The following CNKSR2 variants were observed in gnomAD, a reference collection of about 807,000 sequenced individuals.
The protein encoded by CNKSR2 is connector enhancer of kinase suppressor of Ras 2.
A neutral mutation model predicts 84.4 loss-of-function variants in CNKSR2; 14 were observed. The ratio of observed to expected loss-of-function variants is 0.17; its 90% CI spans 0.11 to 0.26. The LOEUF (loss-of-function observed/expected upper bound fraction) is 0.26. Among genes scored for constraint, CNKSR2 ranks in the 10% least tolerant of loss-of-function variants. CNKSR2 has a pLI of 1.00. For synonymous variants in CNKSR2, 275 were observed against 277.9 expected (o/e 0.99, Z 0.10); for missense variants, 485 against 771.2 (o/e 0.63, Z 4.40).
chrX:21,450,631 A>C (rs771076612), intron 4 of CNKSR2, among the ~76,000 whole-genome samples: 7 of 111,883 alleles, frequency 6.3e-5, no homozygotes, highest in Middle Eastern at 4.6e-3. Context: ...TATTTATGAT[A>C]GTATTTGATT....
intron 5 of CNKSR2, among the ~76,000 whole-genome samples, chrX:21,483,992 A>G (rs1463620789): frequency 2.7e-5 from 3 of 112,314 alleles, no homozygotes; most frequent in Non-Finnish European, 5.6e-5. Context: ...AAATAAAACA[A>G]TAAAATAAAA....
At chrX:21,402,933 A>G (rs939551876) in intron 1 of CNKSR2, among the ~76,000 whole-genome samples, 2 of 111,634 alleles carry the variant, frequency 1.8e-5, no homozygotes, top group Non-Finnish European at 3.8e-5. Flanking sequence ...ATCCTGGCAC[A>G]TATAGAAATT....
At chrX:21,469,997 T>C (rs1227849369) in intron 4 of CNKSR2, among the ~76,000 whole-genome samples, 1 of 112,599 alleles carries the variant, frequency 8.9e-6, no homozygotes, top group Non-Finnish European at 1.9e-5. Context: ...TAATGACTTA[T>C]CTCATTTTGT....
Position 21,412,933 on chromosome X carries a change from A to G in CNKSR2, c.65-13564A>G, listed in dbSNP as rs748570241. On this transcript the variant is annotated intron_variant, in intron 1 of 21. Transcript: ENST00000379510. ...TATCATCAAACGTACTATCTTAACC[A>G]TCTTTAAGTGTACAGTTCACTGGCA... 5.4e-5 allele frequency among the ~76,000 whole-genome samples: 6 copies of G among 111,980 alleles called. No homozygotes were observed. In the South Asian group the frequency reaches 2.2e-3, roughly 42 times the overall value.
At chrX:21,608,993 G>A in intron 19 of CNKSR2, 78 bp from the exon 20 acceptor site, 1 of 1,128,929 alleles carries the variant, frequency 8.9e-7, no homozygotes, top group Non-Finnish European at 1.2e-6. Context: ...ATATTACCTG[G>A]TAGAAACCGA....
chrX:21,585,765 A>G (rs766120759), intron 13 of CNKSR2, among the ~76,000 whole-genome samples: 3 of 111,285 alleles, frequency 2.7e-5, no homozygotes, highest in Non-Finnish European at 5.7e-5. Flanking sequence ...ACATTCTTAG[A>G]AAGTTCGAAG....
chrX:21,475,332 A>G (rs1159350608), intron 5 of CNKSR2, among the ~76,000 whole-genome samples: 1 of 111,974 alleles, frequency 8.9e-6, no homozygotes, highest in Non-Finnish European at 1.9e-5. Context: ...CCTACTATGT[A>G]CTCAAATTTT....
intron 11 of CNKSR2, among the ~76,000 whole-genome samples, chrX:21,548,647 G>A (rs1427854470): frequency 9.0e-6 from 1 of 111,712 alleles, no homozygotes; most frequent in Non-Finnish European, 1.9e-5. Context: ...AGTATCCCTG[G>A]TGAACATCTA....
At chrX:21,489,035 A>T (rs898980290) in intron 5 of CNKSR2, among the ~76,000 whole-genome samples, 4 of 111,510 alleles carry the variant, frequency 3.6e-5, no homozygotes, top group Admixed American at 2.9e-4. Context: ...TAAATTTTGT[A>T]TTCAGTGGAA....
chrX:21,538,457 C>T (rs974357063), intron 11 of CNKSR2: 1 of 111,758 alleles, frequency 8.9e-6, no homozygotes, highest in Non-Finnish European at 1.9e-5. Context: ...TTTGAGCTTC[C>T]TGTATGTTTG....
chrX:21,497,956 G>T lies in CNKSR2; in HGVS notation c.741+110G>T, dbSNP rs2091518978. 9.4e-6 allele frequency: 4 copies of T among 424,350 alleles called. No individual in the cohort carries two copies. In the South Asian group the frequency reaches 1.8e-4, roughly 20 times the overall value. The allele number at this position is 424,350 out of a possible 1,213,427, so 35.0% of individuals were successfully genotyped here. A position where few individuals can be genotyped will look rare whatever the true frequency, so the allele number is the denominator to read the frequency against. ...ACATCTAAGGATAAGGACATGAACAGATAGTAGATACAATTTAAAAGAGAT... is the reference window on the plus strand; with the variant it reads ...ACATCTAAGGATAAGGACATGAACATATAGTAGATACAATTTAAAAGAGAT... On this transcript the variant is annotated intron_variant, in intron 7 of 21. Coordinates refer to ENST00000379510, the MANE Select transcript of CNKSR2 (RefSeq NM_014927.5).
chrX:21,470,649 T>A, intron 4 of CNKSR2, 117 bp from the exon 5 acceptor site: 1 of 355,483 alleles, frequency 2.8e-6, no homozygotes, highest in Non-Finnish European at 4.8e-6. Flanking sequence ...TTTCCTGTTA[T>A]TATTGCTTTT....
At chrX:21,516,965 A>G (rs189418773) in intron 9 of CNKSR2, among the ~76,000 whole-genome samples, 1 of 112,131 alleles carries the variant, frequency 8.9e-6, no homozygotes, top group Admixed American at 9.5e-5. Context: ...ATTTTATGTT[A>G]TACCCACATA....
intron 20 of CNKSR2, among the ~76,000 whole-genome samples, chrX:21,626,495 A>G (rs1385837221): frequency 8.9e-6 from 1 of 111,739 alleles, no homozygotes; most frequent in Admixed American, 9.5e-5. Flanking sequence ...AATACAGGTG[A>G]TAGGGATACC....
chrX:21,385,015 A>G (rs2089948818), intron 1 of CNKSR2, among the ~76,000 whole-genome samples: 2 of 111,920 alleles, frequency 1.8e-5, no homozygotes, highest in South Asian at 7.5e-4. Flanking sequence ...CTTTTCTCCT[A>G]CTGGATTGGA....
At chrX:21,455,820 A>G (rs758738603) in intron 4 of CNKSR2, among the ~76,000 whole-genome samples, 9 of 112,008 alleles carry the variant, frequency 8.0e-5, no homozygotes, top group Admixed American at 2.8e-4. Context: ...AGAACAAACT[A>G]TGTTTAGCTC....
intron 11 of CNKSR2, among the ~76,000 whole-genome samples, chrX:21,560,907 C>A (rs2092182363): frequency 9.0e-6 from 1 of 111,172 alleles, no homozygotes; most frequent in African/African-American, 3.3e-5. Flanking sequence ...TGCTTAGAAG[C>A]AGACTCAGCT....
intron 5 of CNKSR2, among the ~76,000 whole-genome samples, chrX:21,475,828 G>A (rs930311919): frequency 1.3e-4 from 14 of 111,392 alleles, no homozygotes; most frequent in Middle Eastern, 9.3e-3. Flanking sequence ...GAAGTGTCTC[G>A]GATTTCGGAT....
At chrX:21,385,282 G>A (rs1205593067) in intron 1 of CNKSR2, among the ~76,000 whole-genome samples, 6 of 111,292 alleles carry the variant, frequency 5.4e-5, no homozygotes, top group Non-Finnish European at 1.1e-4. Context: ...GGGGATGCTG[G>A]TATTACCTAC....
Sources: allele counts gnomAD v4.1 joint callset (sites outside exome capture counted in the v4.1 genomes callset), GRCh38; gene constraint gnomAD v4.1.1; transcripts MANE v1.5; gene names NCBI Gene and HGNC (gene_info 2026-07-23, HGNC 2026-07-21).